The following PKN2 variants were observed in gnomAD, a reference collection of about 807,000 sequenced individuals.
The protein encoded by PKN2 is protein kinase N2.
In PKN2, 38 loss-of-function variants were observed where a neutral mutation model predicts 119.1. The observed-to-expected ratio is 0.32, with a 90% confidence interval of 0.25 to 0.42. PKN2 has a LOEUF of 0.42. PKN2 is among the 10% of genes least tolerant of loss of function. The probability of loss-of-function intolerance (pLI) is 1.00; values close to 1 mark genes in which losing one functional copy is unlikely to be tolerated. For synonymous variants in PKN2, 390 were observed against 384.9 expected (o/e 1.01, Z -0.15); for missense variants, 850 against 1,165.1 (o/e 0.73, Z 3.94).
At chr1:88,685,753 C>T (rs1396223704) in intron 1 of PKN2, among the ~76,000 whole-genome samples, 1 of 151,934 alleles carries the variant, frequency 6.6e-6, no homozygotes, top group African/African-American at 2.4e-5. Flanking sequence ...GTGTGTTGGA[C>T]AGTTAATTTT....
At chr1:88,808,041 AAT>A (rs1671623180) in intron 15 of PKN2, among the ~76,000 whole-genome samples, 1 of 152,114 alleles carries the variant, frequency 6.6e-6, no homozygotes, top group African/African-American at 2.4e-5. Flanking sequence ...TATATATGGA[AAT>A]ATTAAAGTGT....
chr1:88,751,786 C>G (rs1202910155), intron 2 of PKN2, among the ~76,000 whole-genome samples: 1 of 152,104 alleles, frequency 6.6e-6, no homozygotes, highest in Non-Finnish European at 1.5e-5. Flanking sequence ...CTTGTACTTC[C>G]TAAAGTACAG....
In PKN2 at chr1:88,833,440, T is replaced by C. The variant is rs184754507; in HGVS notation, c.2947T>C (p.Trp983Arg). The change falls in exon 22 of 22, where the codon TGG becomes CGG. Residue 983 changes from tryptophan (W) to arginine (R), a missense_variant. This residue lies in a region of PKN2 where 52 missense variants were observed against 39.9 expected (regional missense o/e 1.30). Coordinates refer to ENST00000370521, the MANE Select transcript of PKN2 (RefSeq NM_006256.4). ...MFRDFDYIAD[W>R]C ...CAGAGATTTTGACTACATTGCTGAT[T>C]GGTGTTAAGTTGCTAGACACTGCGA... 335 of 1,612,888 alleles carry C rather than the reference T, an allele frequency of 2.1e-4. 1 individual carries two copies. Among genetic ancestry groups the C allele is most frequent in the Middle Eastern group, 1.8e-3 (11 of 6,060 alleles).
At chr1:88,783,868 A>C (rs1023883926) in intron 6 of PKN2, among the ~76,000 whole-genome samples, 5 of 152,232 alleles carry the variant, frequency 3.3e-5, no homozygotes, top group African/African-American at 7.2e-5. Flanking sequence ...CAGAATGGAA[A>C]GATAATGTCA....
chr1:88,809,026 G>GT (rs1219480660), intron 15 of PKN2, among the ~76,000 whole-genome samples: 2 of 152,088 alleles, frequency 1.3e-5, no homozygotes, highest in African/African-American at 2.4e-5. Context: ...AACTTTTAAT[G>GT]TTTTTTTCCA....
chr1:88,719,272 T>G (rs547321620), intron 1 of PKN2, among the ~76,000 whole-genome samples: 1 of 152,350 alleles, frequency 6.6e-6, no homozygotes. Context: ...TATCTTCTAC[T>G]TAACTAGTTT....
chr1:88,824,529 T>C (rs926019145), intron 18 of PKN2, 143 bp downstream of exon 18: 4 of 568,280 alleles, frequency 7.0e-6, no homozygotes, highest in African/African-American at 1.9e-5. Context: ...AATGAAAACA[T>C]TGCTTATATA....
Position 88,698,390 on chromosome 1 carries a change from TTACAG to T in PKN2, c.48+13765_48+13769del, listed in dbSNP as rs572764078. ...GCATAAACAATGTCCTCAACAAGTT[TTACAG>T]TAAACAAGAAAATATTCTTTATGGT... On this transcript the variant is annotated intron_variant, in intron 1 of 21. Coordinates refer to ENST00000370521, the MANE Select transcript of PKN2 (RefSeq NM_006256.4). Among the ~76,000 whole-genome samples, 408 of 152,254 alleles carry T rather than the reference TTACAG, an allele frequency of 2.7e-3. 2 individuals carry two copies. Among genetic ancestry groups the T allele is most frequent in the African/African-American group, 9.4e-3 (392 of 41,562 alleles).
rs1455478241 is a variant in PKN2 at position 88,835,325 on chromosome 1, TTAAAA to T, written c.*1883_*1887del. ...TAATTTAAACTGTGTTAATACAACA[TTAAAA>T]TAAAACACTAAATACTTTTGAGGTA... On this transcript the variant is annotated 3_prime_UTR_variant, in exon 22 of 22. Transcript: ENST00000370521. 6 of 152,472 alleles carry T rather than the reference TTAAAA, an allele frequency of 3.9e-5. No homozygotes were observed. The highest frequency in any genetic ancestry group is 6.6e-5 in the Admixed American group (1 of 15,244). 9.4% of individuals were successfully genotyped at this position (152,472 alleles called of 1,614,324 possible).
chr1:88,771,750 C>T lies in PKN2; in HGVS notation c.856C>T (p.His286Tyr), dbSNP rs1244901789. Reference protein sequence around the residue: ...EQRLNEVPKNHPKSRIIIEEL... With the variant: ...EQRLNEVPKNYPKSRIIIEEL... ...AAGATTAAACGAAGTCCCCAAGAATCATCCCAAAAGCAGGATTATTATTGA... is the reference window on the plus strand; with the variant it reads ...AAGATTAAACGAAGTCCCCAAGAATTATCCCAAAAGCAGGATTATTATTGA... Residue 286 changes from histidine (H) to tyrosine (Y), a missense_variant, in exon 6 of 22, where the codon CAT becomes TAT. By Grantham distance (83) the His-to-Tyr change is moderately conservative. This residue lies in a region of PKN2 where 350 missense variants were observed against 511.1 expected (regional missense o/e 0.68). Transcript: ENST00000370521. 6 of 1,613,568 alleles carry T rather than the reference C, an allele frequency of 3.7e-6. No homozygotes were observed. In the South Asian group the frequency reaches 5.5e-5, roughly 15 times the overall value.
intron 1 of PKN2, among the ~76,000 whole-genome samples, chr1:88,715,921 A>T (rs1014667244): frequency 6.6e-6 from 1 of 152,044 alleles, no homozygotes; most frequent in African/African-American, 2.4e-5. Flanking sequence ...ACTTTCTCTT[A>T]TGGGCATTTA....
chr1:88,775,060 G>T (rs1308156387), intron 6 of PKN2, among the ~76,000 whole-genome samples: 1 of 151,990 alleles, frequency 6.6e-6, no homozygotes, highest in Non-Finnish European at 1.5e-5. Flanking sequence ...GAGATAGATA[G>T]ATATATATAT....
In PKN2 at chr1:88,833,102, G is replaced by A. The variant is rs1308196149; in HGVS notation, c.2696G>A (p.Arg899His). The A allele has an allele frequency of 6.2e-7, 1 of 1,612,564 alleles. No individual in the cohort carries two copies. Among genetic ancestry groups the A allele is most frequent in the Non-Finnish European group, 8.5e-7 (1 of 1,179,224 alleles). ...RRLLRRNPERRLGASEKDAED... is the reference protein window; with the variant it reads ...RRLLRRNPERHLGASEKDAED... ...CTGTTAAGAAGAAATCCTGAACGGC[G>A]CCTTGGGGCTAGCGAGAAAGATGCA... is the stretch of plus-strand genomic sequence containing the variant. Residue 899 changes from arginine to histidine, a missense_variant, in exon 21 of 22, where the codon CGC becomes CAC. By Grantham distance (29) the Arg-to-His change is conservative. Around this residue, in one of 9 missense-constraint regions of PKN2, gnomAD observed 95 missense variants for 150.2 expected, o/e 0.63. Transcript: ENST00000370521.
chr1:88,688,846 G>A (rs1666219514), intron 1 of PKN2, among the ~76,000 whole-genome samples: 1 of 152,180 alleles, frequency 6.6e-6, no homozygotes, highest in African/African-American at 2.4e-5. Context: ...CGTAGGAGGA[G>A]GGATGTCTAG....
chr1:88,763,607 CAAAAAAA>C (rs34763457), intron 3 of PKN2, among the ~76,000 whole-genome samples: 9 of 103,402 alleles, frequency 8.7e-5, no homozygotes, highest in Non-Finnish European at 1.2e-4. Context: ...AACTCCATCT[CAAAAAAA>C]AAAAAAAAAA....
At chr1:88,810,888 T>C (rs1330749330) in intron 15 of PKN2, among the ~76,000 whole-genome samples, 3 of 152,224 alleles carry the variant, frequency 2.0e-5, no homozygotes, top group Non-Finnish European at 4.4e-5. Context: ...ATTACAGGCA[T>C]GAGCCACTGT....
chr1:88,775,203 A>G (rs531194497), intron 6 of PKN2, among the ~76,000 whole-genome samples: 31 of 152,180 alleles, frequency 2.0e-4, no homozygotes, highest in East Asian at 5.8e-4. Context: ...GGCTCGAGCA[A>G]TCTGTCCACC....
chr1:88,727,681 A>G (rs915731037), intron 1 of PKN2, among the ~76,000 whole-genome samples: 7 of 152,172 alleles, frequency 4.6e-5, no homozygotes, highest in Non-Finnish European at 8.8e-5. Context: ...GTTTCTCCGT[A>G]TATCACTCTT....
At chr1:88,790,873 C>A (rs115587624) in intron 8 of PKN2, among the ~76,000 whole-genome samples, 213 of 152,158 alleles carry the variant, frequency 1.4e-3, no homozygotes, top group African/African-American at 4.6e-3. Context: ...GAAATTTTTA[C>A]AACTGAAAAA....
Sources: allele counts gnomAD v4.1 joint callset (sites outside exome capture counted in the v4.1 genomes callset), GRCh38; gene constraint gnomAD v4.1.1; regional missense constraint gnomAD v4.1.1; transcripts MANE v1.5; gene names NCBI Gene and HGNC (gene_info 2026-07-23, HGNC 2026-07-21).